Variants in NCAPG2 observed in about 807,000 individuals in gnomAD.
NCAPG2 encodes non-SMC condensin II complex subunit G2, also known as condensin-2 complex subunit G2.
A neutral mutation model predicts 141.1 loss-of-function variants in NCAPG2; 53 were observed. The ratio of observed to expected loss-of-function variants is 0.38; its 90% confidence interval spans 0.30 to 0.47. NCAPG2 has a LOEUF of 0.47. NCAPG2 is among the 20% of genes least tolerant of loss of function. The pLI, the probability that NCAPG2 is intolerant of heterozygous loss-of-function variation, is 0.99. For synonymous variants in NCAPG2, 499 were observed against 490.7 expected (o/e 1.02, Z -0.22); for missense variants, 1,087 against 1,389.0 (o/e 0.78, Z 3.46).
intron 13 of NCAPG2, chr7:158,667,102 T>C (rs1329216657): frequency 4.1e-6 from 4 of 978,648 alleles, no homozygotes; most frequent in Non-Finnish European, 4.9e-6. Flanking sequence ...ACCTTAACTT[T>C]CAAGGGAAAT....
intron 13 of NCAPG2, chr7:158,668,269 C>T: frequency 1.2e-6 from 1 of 811,730 alleles, no homozygotes; most frequent in Non-Finnish European, 1.4e-6. Context: ...GGTCCCTCTG[C>T]CCTCCTTACC....
rs113782845 is a variant in NCAPG2 at position 158,694,075 on chromosome 7, G to T, written c.79-578C>A. ...TTGGAACAATGTGAGCACCAAAACA[G>T]TGACAGTGATTAATTATAACCAGTT... On this transcript the variant is annotated intron_variant, in intron 2 of 27. Coordinates refer to ENST00000356309, the MANE Select transcript of NCAPG2 (RefSeq NM_017760.7). 4.8e-3 allele frequency among the ~76,000 whole-genome samples: 729 copies of T among 152,270 alleles called. 4 individuals are homozygous for T. Among genetic ancestry groups the T allele is most frequent in the Middle Eastern group, 0.01 (3 of 294 alleles).
intron 11 of NCAPG2, among the ~76,000 whole-genome samples, chr7:158,678,048 C>T (rs1046864127): frequency 6.6e-6 from 1 of 151,696 alleles, no homozygotes. Flanking sequence ...CCTTCTTCCT[C>T]GGCCTCTCAA....
intron 2 of NCAPG2, among the ~76,000 whole-genome samples, chr7:158,699,301 A>G (rs1835645633): frequency 6.6e-6 from 1 of 152,220 alleles, no homozygotes; most frequent in South Asian, 2.1e-4. Flanking sequence ...TCCAAGAAGG[A>G]CAAGGGCATA....
intron 17 of NCAPG2, 84 bp from the exon 18 acceptor site, chr7:158,656,789 C>G: frequency 6.7e-7 from 1 of 1,486,384 alleles, no homozygotes; most frequent in Non-Finnish European, 9.1e-7. Flanking sequence ...AACCAAGAAG[C>G]TAAAATCTGA....
In NCAPG2 at chr7:158,692,859, C is replaced by G. The variant is rs575271109; in HGVS notation, c.365G>C (p.Cys122Ser). The change falls in exon 4 of 28, where the codon TGT (cysteine) becomes TCT (serine). Residue 122 changes from cysteine (C) to serine (S), a missense_variant. By Grantham distance (112) the Cys-to-Ser change is moderately radical. Coordinates refer to ENST00000356309, the MANE Select transcript of NCAPG2 (RefSeq NM_017760.7). The stretch of plus-strand genomic sequence containing the variant: ...CAACTCACCATTTAATATAATAACA[C>G]ATTCCAGTAGGGCTTCGTAGTTCTC... ...ESENYEALLECVIILNGILYA... is the reference protein window; with the variant it reads ...ESENYEALLESVIILNGILYA... The G allele has an allele frequency of 1.9e-6, 3 of 1,567,502 alleles. No homozygotes were observed. The South Asian group carries it at 3.4e-5, about 18-fold the overall frequency.
At chr7:158,688,991 C>T (rs549751981) in intron 6 of NCAPG2, among the ~76,000 whole-genome samples, 1 of 152,112 alleles carries the variant, frequency 6.6e-6, no homozygotes, top group Non-Finnish European at 1.5e-5. Flanking sequence ...GCCTGCTGAG[C>T]CATGAGCATC....
intron 20 of NCAPG2, 26 bp from the exon 21 acceptor site, chr7:158,655,284 A>G (rs369857236): frequency 1.2e-6 from 2 of 1,613,602 alleles, no homozygotes; most frequent in Non-Finnish European, 1.7e-6. Context: ...AAGATAAATC[A>G]GTAACAAAAA....
At chr7:158,682,964 A>C in intron 9 of NCAPG2, among the ~76,000 whole-genome samples, 1 of 152,368 alleles carries the variant, frequency 6.6e-6, no homozygotes, top group Non-Finnish European at 1.5e-5. Flanking sequence ...GGAATTTAAT[A>C]AGTAAAATAA....
At chr7:158,702,692 C>T (rs1835887798) in intron 1 of NCAPG2, among the ~76,000 whole-genome samples, 1 of 152,098 alleles carries the variant, frequency 6.6e-6, no homozygotes, top group African/African-American at 2.4e-5. Flanking sequence ...ACCACCTGCA[C>T]CATTATAAAT....
intron 1 of NCAPG2, chr7:158,702,465 A>C (rs2129469898): frequency 6.6e-6 from 1 of 152,540 alleles, no homozygotes; most frequent in African/African-American, 2.4e-5. Context: ...ATGCTCAACC[A>C]CAGCACCCTC....
At chr7:158,699,379 A>G (rs1209471137) in intron 2 of NCAPG2, among the ~76,000 whole-genome samples, 1 of 152,240 alleles carries the variant, frequency 6.6e-6, no homozygotes, top group East Asian at 1.9e-4. Flanking sequence ...TTGTCAATAC[A>G]TCAAGGAACA....
intron 13 of NCAPG2, among the ~76,000 whole-genome samples, chr7:158,669,798 T>C (rs927250054): frequency 2.0e-5 from 2 of 102,168 alleles, no homozygotes; most frequent in Admixed American, 2.1e-4. Context: ...AAAAAAAAAT[T>C]GACATGCTTA....
At chr7:158,701,978 T>C (rs988779558) in intron 1 of NCAPG2, 40 bp from the exon 2 acceptor site, 1 of 1,220,622 alleles carries the variant, frequency 8.2e-7, no homozygotes, top group Middle Eastern at 1.9e-4. Flanking sequence ...CTTGCAAATA[T>C]ATCTTTTCCT....
chr7:158,656,246 G>C lies in NCAPG2; in HGVS notation c.2388+14C>G. On this transcript the variant is annotated intron_variant, in intron 19 of 27. Transcript: ENST00000356309. ...ATCATAGGAAACCACTCAACTCTCAGGGCACAGAGTTACCTTTGACGTTTC... is the reference window on the plus strand; with the variant it reads ...ATCATAGGAAACCACTCAACTCTCACGGCACAGAGTTACCTTTGACGTTTC... 1 of 1,612,436 alleles carries C rather than the reference G, an allele frequency of 6.2e-7. No homozygotes were observed. The highest frequency in any genetic ancestry group is 8.5e-7 in the Non-Finnish European group (1 of 1,179,206).
chr7:158,661,568 A>C (rs1378260726), intron 16 of NCAPG2, among the ~76,000 whole-genome samples: 1 of 152,138 alleles, frequency 6.6e-6, no homozygotes, highest in African/African-American at 2.4e-5. Flanking sequence ...TAACAATACA[A>C]TATATTCTTG....
At chr7:158,683,158 G>T (rs1001891548) in intron 9 of NCAPG2, 142 bp downstream of exon 9, 6 of 627,820 alleles carry the variant, frequency 9.6e-6, no homozygotes, top group Non-Finnish European at 1.5e-5. Context: ...GAATAAAACT[G>T]CCAGACATCA....
chr7:158,657,779 T>C (rs2129459439), intron 17 of NCAPG2, among the ~76,000 whole-genome samples: 1 of 152,204 alleles, frequency 6.6e-6, no homozygotes, highest in South Asian at 2.1e-4. Context: ...GAAGTAGACA[T>C]GGGAGACTTT....
chr7:158,688,991 C>A (rs549751981), intron 6 of NCAPG2, among the ~76,000 whole-genome samples: 1 of 152,230 alleles, frequency 6.6e-6, no homozygotes, highest in East Asian at 1.9e-4. Context: ...GCCTGCTGAG[C>A]CATGAGCATC....
Sources: allele counts gnomAD v4.1 joint callset (sites outside exome capture counted in the v4.1 genomes callset), GRCh38; gene constraint gnomAD v4.1.1; transcripts MANE v1.5; gene names NCBI Gene and HGNC (gene_info 2026-07-23, HGNC 2026-07-21).